TRAF7: variants seen among roughly 807,000 people sequenced by gnomAD.
The protein encoded by TRAF7 is TNF receptor associated factor 7.
In TRAF7, 45 loss-of-function variants were observed where a neutral mutation model predicts 89.3. The ratio of observed to expected loss-of-function variants is 0.50; its 90% confidence interval spans 0.40 to 0.65. The LOEUF (loss-of-function observed/expected upper bound fraction) is 0.65, where lower values mean the gene tolerates loss of function less well. TRAF7 is among the 30% of genes least tolerant of loss of function. TRAF7 has a pLI of 0.00. For missense variants in TRAF7, 677 were observed against 918.1 expected, an observed-to-expected ratio of 0.74 and a Z score of 3.39; for synonymous variants, 406 against 369.2, an observed-to-expected ratio of 1.10 and a Z score of -1.14.
intron 1 of TRAF7, among the ~76,000 whole-genome samples, chr16:2,160,403 T>TGGACAGTGTGGAC: frequency 3.3e-5 from 5 of 150,284 alleles, no homozygotes; most frequent in African/African-American, 7.3e-5. Context: ...GCATCCAGCA[T>TGGACAGTGTGGAC]GGGCAGTGTG....
rs1237919650 is a variant in TRAF7, at chr16:2,161,500, G to A, written c.-38-2383G>A. Among the ~76,000 whole-genome samples the A allele has an allele frequency of 6.6e-6, 1 of 152,134 alleles. No homozygotes were observed. The highest frequency in any genetic ancestry group is 1.5e-5 in the Non-Finnish European group (1 of 68,024). On this transcript the variant is annotated intron_variant, in intron 1 of 20. Transcript: ENST00000326181. The surrounding 1 kb of genome is among the most constrained non-coding windows in gnomAD (Gnocchi z 5.2). ...CCCATCCCAGGGGAGTGCCTGCTGG[G>A]GTCCTGGCCACCTGGGCCCCCGGGC...
Position 2,174,432 on chromosome 16 carries a change from A to G in TRAF7, c.1346+99A>G, listed in dbSNP as rs1373135562. ...GCCATGAGCTCGAGCCTGTGTAGCT[A>G]TGTGTGTGCCCCACCTATAGGGCAC... On this transcript the variant is annotated intron_variant, in intron 14 of 20. Transcript: ENST00000326181. The G allele has an allele frequency of 4.1e-6, 5 of 1,209,392 alleles. No homozygotes were observed. The East Asian group carries it at 7.4e-5, about 18-fold the overall frequency. The allele number at this position is 1,209,392 out of a possible 1,614,324, so 74.9% of individuals were successfully genotyped here.
rs1021380984 is a variant in TRAF7 at position 2,158,599 on chromosome 16, T to A, written c.-39+2741T>A. 1.3e-5 allele frequency among the ~76,000 whole-genome samples: 2 copies of A among 151,770 alleles called. No individual in the cohort carries two copies. The highest frequency in any genetic ancestry group is 4.8e-5 in the African/African-American group (2 of 41,268). ...TGAGGGCGCTGGGTGACTGAGGGGG[T>A]CAGTGGTCTCTGCCCTCACATTCCT... On this transcript the variant is annotated intron_variant, in intron 1 of 20. Coordinates refer to ENST00000326181, the MANE Select transcript of TRAF7 (RefSeq NM_032271.3). The surrounding 1 kb of genome is among the most constrained non-coding windows in gnomAD (Gnocchi z 4.7).
Position 2,168,216 on chromosome 16 carries a change from TCCTC to T in TRAF7, c.231+54_231+57del. The T allele has an allele frequency of 6.7e-7, 1 of 1,498,866 alleles. No individual in the cohort carries two copies. Among genetic ancestry groups the T allele is most frequent in the Non-Finnish European group, 9.1e-7 (1 of 1,099,182 alleles). The allele number at this position is 1,498,866 out of a possible 1,614,324, so 92.8% of individuals were successfully genotyped here. A position where few individuals can be genotyped will look rare whatever the true frequency, so the allele number is the denominator to read the frequency against. Reference sequence around the variant, plus strand: ...CCGTGTGAGCCTCAGCCTCCCCCCATCCTCCCTCCTGGGGGAACCAGGTCCCAGG... The same window carrying T: ...CCGTGTGAGCCTCAGCCTCCCCCCATCCTCCTGGGGGAACCAGGTCCCAGG... On this transcript the variant is annotated intron_variant, in intron 4 of 20. Transcript: ENST00000326181. The surrounding 1 kb of genome is among the most constrained non-coding windows in gnomAD (Gnocchi z 4.1).
At chr16:2,175,445 G>C (rs758000676) in intron 16 of TRAF7, 28 bp downstream of exon 16, 1 of 1,612,536 alleles carries the variant, frequency 6.2e-7, no homozygotes, top group Non-Finnish European at 8.5e-7. Context: ...GCCTACGTGT[G>C]TGTCACTGAG....
rs549092067 is a variant in TRAF7 at position 2,168,063 on chromosome 16, C to T, written c.140-14C>T. ...GGGAGCCCCCACTGAGACGCCAGCC[C>T]TCTTGCCTTGCAGCTGACGGGACCA... On this transcript the variant is annotated splice_polypyrimidine_tract_variant and intron_variant, in intron 3 of 20. Transcript: ENST00000326181. This position sits in a 1 kb window ranked among gnomAD's most constrained non-coding sequence, Gnocchi z 4.1. The T allele has an allele frequency of 7.2e-5, 116 of 1,609,894 alleles. No individual in the cohort carries two copies. The South Asian group carries it at 1.2e-3, about 17-fold the overall frequency.
Position 2,177,925 on chromosome 16 carries a change from G to T in TRAF7, c.*1351G>T. On this transcript the variant is annotated 3_prime_UTR_variant, in exon 21 of 21. Coordinates refer to ENST00000326181, the MANE Select transcript of TRAF7 (RefSeq NM_032271.3). ...GCCTGGGGCCTCCACTCTGGCCGGA[G>T]GAAGGACCGCAGGCAGACAGCCTGG... The T allele has an allele frequency of 2.9e-6, 1 of 345,032 alleles. No homozygotes were observed. Among genetic ancestry groups the T allele is most frequent in the Non-Finnish European group, 5.4e-6 (1 of 183,822 alleles). The allele number at this position is 345,032 out of a possible 1,614,324, so 21.4% of individuals were successfully genotyped here. A position where few individuals can be genotyped will look rare whatever the true frequency, so the allele number is the denominator to read the frequency against.
chr16:2,157,888 C>T (rs1222975056), intron 1 of TRAF7, among the ~76,000 whole-genome samples: 1 of 152,192 alleles, frequency 6.6e-6, no homozygotes, highest in Non-Finnish European at 1.5e-5. Context: ...TCCTCAGCCT[C>T]CATGGTCCAC....
Position 2,168,388 on chromosome 16 carries a change from G to A in TRAF7, c.231+220G>A, listed in dbSNP as rs1029715736. ...TGGCAGGGGGCAGCCAGTGAGGGCAGCTGGGTCAGAGGGCCTGGCACCTGC... is the reference window on the plus strand; with the variant it reads ...TGGCAGGGGGCAGCCAGTGAGGGCAACTGGGTCAGAGGGCCTGGCACCTGC... On this transcript the variant is annotated intron_variant, in intron 4 of 20. Coordinates refer to ENST00000326181, the MANE Select transcript of TRAF7 (RefSeq NM_032271.3). This position sits in a 1 kb window ranked among gnomAD's most constrained non-coding sequence, Gnocchi z 4.1. The A allele has an allele frequency of 1.3e-5, 7 of 528,286 alleles. No individual in the cohort carries two copies. Among genetic ancestry groups the A allele is most frequent in the Non-Finnish European group, 2.0e-5 (6 of 294,608 alleles). The allele number at this position is 528,286 out of a possible 1,614,324, so 32.7% of individuals were successfully genotyped here. A position where few individuals can be genotyped will look rare whatever the true frequency, so the allele number is the denominator to read the frequency against.
At chr16:2,160,957 T>A (rs1257589698) in intron 1 of TRAF7, among the ~76,000 whole-genome samples, 2 of 152,002 alleles carry the variant, frequency 1.3e-5, no homozygotes, top group Non-Finnish European at 2.9e-5. Context: ...CTGGGGAAAC[T>A]TACTGCAAAA....
chr16:2,157,797 C>T (rs1186824599), intron 1 of TRAF7, among the ~76,000 whole-genome samples: 2 of 152,064 alleles, frequency 1.3e-5, no homozygotes, highest in East Asian at 3.9e-4. Flanking sequence ...GTGTGGCAGC[C>T]GTGGACGAAG....
rs750938573 is a variant in TRAF7, at chr16:2,158,245, C to G, written c.-39+2387C>G. ...CACCAGGCCCTCTGTGTGGATCATG[C>G]GGGGGGAACCTGTGGAGAGGGACCC... On this transcript the variant is annotated intron_variant, in intron 1 of 20. Transcript: ENST00000326181. The surrounding 1 kb of genome is among the most constrained non-coding windows in gnomAD (Gnocchi z 4.7). 3.3e-5 allele frequency among the ~76,000 whole-genome samples: 5 copies of G among 151,712 alleles called. No homozygotes were observed. Among genetic ancestry groups the G allele is most frequent in the African/African-American group, 7.3e-5 (3 of 41,262 alleles).
At chr16:2,160,005 G>C (rs1447852535) in intron 1 of TRAF7, among the ~76,000 whole-genome samples, 2 of 152,224 alleles carry the variant, frequency 1.3e-5, no homozygotes, top group African/African-American at 4.8e-5. Context: ...TGCCCCAGCA[G>C]AGCCCTCTAA....
Position 2,161,229 on chromosome 16 carries a change from C to G in TRAF7, c.-38-2654C>G, listed in dbSNP as rs2093057258. 7.3e-6 allele frequency among the ~76,000 whole-genome samples: 1 copy of G among 137,194 alleles called. No individual in the cohort carries two copies. Among genetic ancestry groups the G allele is most frequent in the Non-Finnish European group, 1.6e-5 (1 of 62,986 alleles). 90.0% of individuals were successfully genotyped at this position (137,194 alleles called of 152,430 possible). A position where few individuals can be genotyped will look rare whatever the true frequency, so the allele number is the denominator to read the frequency against. ...CCTCCGTCCCCCTGCTTCCCTCTGC[C>G]CCCTCCCTCCCTCCGTCCCCTCCCT... is the stretch of plus-strand genomic sequence containing the variant. On this transcript the variant is annotated intron_variant, in intron 1 of 20. Transcript: ENST00000326181. This position sits in a 1 kb window ranked among gnomAD's most constrained non-coding sequence, Gnocchi z 5.2.
intron 2 of TRAF7, 150 bp downstream of exon 2, chr16:2,164,151 TGTGTGTGTGCGCGCGCGC>T (rs1465509449): frequency 5.4e-6 from 3 of 559,448 alleles, no homozygotes; most frequent in African/African-American, 2.3e-5. Context: ...TGTGTGTGTG[TGTGTGTGTGCGCGCGCGC>T]GCGCGCGCGC....
Position 2,163,755 on chromosome 16 carries a change from G to C in TRAF7, c.-38-128G>C. 3.0e-6 allele frequency: 2 copies of C among 659,278 alleles called. No individual in the cohort carries two copies. The highest frequency in any genetic ancestry group is 5.4e-6 in the Non-Finnish European group (2 of 369,566). The allele number at this position is 659,278 out of a possible 1,614,324, so 40.8% of individuals were successfully genotyped here. Reference sequence around the variant, plus strand: ...CTAGAGGCCTGCCTGAGCCGGGGCTGGTGGTGGAAGGCTGCTGCGGCGGCC... The same window carrying C: ...CTAGAGGCCTGCCTGAGCCGGGGCTCGTGGTGGAAGGCTGCTGCGGCGGCC... On this transcript the variant is annotated intron_variant, in intron 1 of 20. Transcript: ENST00000326181. The surrounding 1 kb of genome is among the most constrained non-coding windows in gnomAD (Gnocchi z 4.3).
chr16:2,177,874 GC>G lies in TRAF7; in HGVS notation c.*1304del, dbSNP rs912848897. 58 of 291,536 alleles carry G rather than the reference GC, an allele frequency of 2.0e-4. No individual in the cohort carries two copies. Among genetic ancestry groups the G allele is most frequent in the African/African-American group, 1.1e-3 (52 of 45,518 alleles). 18.1% of individuals were successfully genotyped at this position (291,536 alleles called of 1,614,324 possible). On this transcript the variant is annotated 3_prime_UTR_variant, in exon 21 of 21. Coordinates refer to ENST00000326181, the MANE Select transcript of TRAF7 (RefSeq NM_032271.3). ...CCCCCGGCAGAGCACCCGCCCCCGG[GC>G]CCCAGCCTTCCACCTGTGCTAGCAG...
In TRAF7 at chr16:2,170,678, C is replaced by G; in HGVS notation, c.296C>G (p.Ser99Cys). The G allele has an allele frequency of 6.2e-7, 1 of 1,609,356 alleles. No individual in the cohort carries two copies. The highest frequency in any genetic ancestry group is 8.5e-7 in the Non-Finnish European group (1 of 1,178,318). The part of the protein sequence containing the change: ...AISVRSLHSE[S>C]SMSLRSTFSL... ...TCTGTCCGCTCCCTGCACTCAGAGT[C>G]CAGCATGTCTCTGCGCTCCACATTC... is the stretch of plus-strand genomic sequence containing the variant. The change falls in exon 5 of 21, where the codon TCC (serine) becomes TGC (cysteine). Residue 99 changes from serine (S) to cysteine (C), a missense_variant. Ser to Cys is a moderately radical substitution (Grantham distance 112, BLOSUM62 -1). Transcript: ENST00000326181.
At position 2,171,480 on chromosome 16, in the gene TRAF7, TG is replaced by T; in HGVS notation, c.442-88del. The T allele has an allele frequency of 1.8e-5, 28 of 1,585,734 alleles. No homozygotes were observed. The South Asian group carries it at 3.2e-4, about 18-fold the overall frequency. ...AGGCCTGTCCTGGCTGCACTGGGCT[TG>T]GGGTACAGCGAGGCCTGTGGCTGCC... On this transcript the variant is annotated intron_variant, in intron 6 of 20. Coordinates refer to ENST00000326181, the MANE Select transcript of TRAF7 (RefSeq NM_032271.3).
Sources: gnomAD v4.1 joint callset for allele counts (sites outside exome capture counted in the v4.1 genomes callset) on GRCh38, gnomAD v4.1.1 for gene constraint, Gnocchi (gnomAD v3.1) non-coding constraint, MANE v1.5 for transcripts, NCBI Gene and HGNC (gene_info 2026-07-23, HGNC 2026-07-21) for gene names.